Variants in PEBP4 observed in about 807,000 individuals in gnomAD.
PEBP4 encodes the protein phosphatidylethanolamine-binding protein 4.
Under a neutral mutation model 23.9 loss-of-function variants are expected in PEBP4, and 22 were observed. The ratio of observed to expected loss-of-function variants is 0.92; its 90% confidence interval spans 0.66 to 1.31. The LOEUF (loss-of-function observed/expected upper bound fraction) is 1.31, where lower values mean the gene tolerates loss of function less well. Ranked by LOEUF, PEBP4 falls within the 40% of genes most tolerant of loss-of-function variation. The pLI, the probability that PEBP4 is intolerant of heterozygous loss-of-function variation, is 0.00. For missense variants in PEBP4, 324 were observed against 281.7 expected, an observed-to-expected ratio of 1.15 and a Z score of -1.07; for synonymous variants, 112 against 99.3, an observed-to-expected ratio of 1.13 and a Z score of -0.76.
chr8:22,924,125 G>C (rs1029754860), intron 2 of PEBP4, among the ~76,000 whole-genome samples: 4 of 152,306 alleles, frequency 2.6e-5, no homozygotes, highest in African/African-American at 9.6e-5. Context: ...CACTTTGGGA[G>C]GCTGAGGCAG....
chr8:22,869,711 T>C (rs1176669059), intron 3 of PEBP4, among the ~76,000 whole-genome samples: 1 of 151,870 alleles, frequency 6.6e-6, no homozygotes. Flanking sequence ...AACATAACCA[T>C]AGGAAAATGA....
intron 4 of PEBP4, among the ~76,000 whole-genome samples, chr8:22,739,901 G>A (rs1804952928): frequency 6.6e-6 from 1 of 152,164 alleles, no homozygotes; most frequent in South Asian, 2.1e-4. Context: ...CTGGGCTGGG[G>A]GGATGGAGGG....
intron 4 of PEBP4, among the ~76,000 whole-genome samples, chr8:22,733,429 A>T (rs994542039): frequency 4.6e-5 from 7 of 152,158 alleles, no homozygotes; most frequent in Non-Finnish European, 2.9e-5. Context: ...CACCTGGGGA[A>T]CCCCTTAGGT....
chr8:22,797,151 G>A (rs1009985778), intron 4 of PEBP4, among the ~76,000 whole-genome samples: 16 of 151,502 alleles, frequency 1.1e-4, no homozygotes, highest in Non-Finnish European at 1.9e-4. Flanking sequence ...CTACTTGGAA[G>A]GCTGAGGCAG....
At chr8:22,876,450 T>G (rs551789236) in intron 3 of PEBP4, among the ~76,000 whole-genome samples, 4 of 152,342 alleles carry the variant, frequency 2.6e-5, no homozygotes, top group Non-Finnish European at 4.4e-5. Context: ...CAGCGTATTC[T>G]TCCAGTGCTC....
At chr8:22,761,151 G>A (rs1239690772) in intron 4 of PEBP4, among the ~76,000 whole-genome samples, 1 of 152,158 alleles carries the variant, frequency 6.6e-6, no homozygotes, top group Non-Finnish European at 1.5e-5. Flanking sequence ...GCACAGGTGG[G>A]CTGTGAGGTC....
chr8:22,793,710 A>G (rs572945702), intron 4 of PEBP4, among the ~76,000 whole-genome samples: 2 of 152,292 alleles, frequency 1.3e-5, no homozygotes, highest in South Asian at 4.1e-4. Context: ...ATTTTTGCTC[A>G]CATCCATAAT....
chr8:22,795,143 G>GTGTATATATATATATATATATA (rs1268855798), intron 4 of PEBP4, among the ~76,000 whole-genome samples: 3 of 49,926 alleles, frequency 6.0e-5, no homozygotes, highest in East Asian at 8.8e-4. Context: ...ATGTGTGTGT[G>GTGTATATATATATATATATATA]TATATATATA....
chr8:22,856,249 A>T (rs1441288799), intron 3 of PEBP4, among the ~76,000 whole-genome samples: 1 of 152,190 alleles, frequency 6.6e-6, no homozygotes. Flanking sequence ...ATTGCCAAAA[A>T]GCACATGAAA....
rs73671275 is a variant in PEBP4 at position 22,742,864 on chromosome 8, G to A, written c.358-15644C>T. ...GGAGCTCCTGCTAGGTGCCAAGTGC[G>A]GTGTCCCTGTATGGGGCGGCTTGCA... On this transcript the variant is annotated intron_variant, in intron 4 of 6. Transcript: ENST00000256404. 6.7e-3 allele frequency among the ~76,000 whole-genome samples: 1,015 copies of A among 152,304 alleles called. 12 individuals are homozygous for A. The highest frequency in any genetic ancestry group is 0.024 in the African/African-American group (978 of 41,558).
chr8:22,875,197 C>A (rs1222430947), intron 3 of PEBP4, among the ~76,000 whole-genome samples: 3 of 152,026 alleles, frequency 2.0e-5, no homozygotes, highest in Non-Finnish European at 2.9e-5. Flanking sequence ...GCAAGCTCAA[C>A]ACAATTCCCT....
At chr8:22,753,914 C>T (rs1414936416) in intron 4 of PEBP4, among the ~76,000 whole-genome samples, 1 of 152,120 alleles carries the variant, frequency 6.6e-6, no homozygotes, top group Non-Finnish European at 1.5e-5. Flanking sequence ...TGGGGCCCCT[C>T]CCCACAACCT....
chr8:22,925,181 AG>A, intron 2 of PEBP4: 1 of 985,398 alleles, frequency 1.0e-6, no homozygotes, highest in South Asian at 4.7e-5. Context: ...ATAAAGACAA[AG>A]CTCCTCTTTT....
At chr8:22,893,790 T>G (rs931592591) in intron 3 of PEBP4, among the ~76,000 whole-genome samples, 19 of 152,004 alleles carry the variant, frequency 1.2e-4, no homozygotes, top group African/African-American at 4.6e-4. Context: ...CCCACCAGAA[T>G]AGCATATCAG....
intron 4 of PEBP4, among the ~76,000 whole-genome samples, chr8:22,734,684 G>A (rs1804818265): frequency 6.6e-6 from 1 of 152,212 alleles, no homozygotes; most frequent in Non-Finnish European, 1.5e-5. Context: ...GGCTGCCAAA[G>A]TTGGGTGGGC....
intron 3 of PEBP4, among the ~76,000 whole-genome samples, chr8:22,854,694 G>A (rs1464923729): frequency 6.6e-6 from 1 of 152,078 alleles, no homozygotes; most frequent in Non-Finnish European, 1.5e-5. Flanking sequence ...AACATCAAAT[G>A]TGCATTGACG....
At chr8:22,741,727 C>T (rs1353515772) in intron 4 of PEBP4, among the ~76,000 whole-genome samples, 1 of 152,180 alleles carries the variant, frequency 6.6e-6, no homozygotes, top group Non-Finnish European at 1.5e-5. Flanking sequence ...GGAACCCTGA[C>T]TGTCTTGGAA....
At chr8:22,858,825 T>C (rs1326067013) in intron 3 of PEBP4, among the ~76,000 whole-genome samples, 3 of 152,190 alleles carry the variant, frequency 2.0e-5, no homozygotes, top group African/African-American at 7.2e-5. Flanking sequence ...CGGGTGCCTG[T>C]AGTCCCAGCT....
At chr8:22,924,127 C>T (rs1809272660) in intron 2 of PEBP4, among the ~76,000 whole-genome samples, 1 of 152,168 alleles carries the variant, frequency 6.6e-6, no homozygotes, top group Non-Finnish European at 1.5e-5. Flanking sequence ...CTTTGGGAGG[C>T]TGAGGCAGCA....
Sources: gnomAD v4.1 joint callset for allele counts (sites outside exome capture counted in the v4.1 genomes callset) on GRCh38, gnomAD v4.1.1 for gene constraint, MANE v1.5 for transcripts, NCBI Gene and HGNC (gene_info 2026-07-23, HGNC 2026-07-21) for gene names.